Variants in CHD1L observed in about 807,000 individuals in gnomAD.
CHD1L encodes the protein chromodomain helicase DNA binding protein 1 like, also known as ATP-dependent chromatin remodeler CHD1L.
A neutral mutation model predicts 115.9 loss-of-function variants in CHD1L; 118 were observed. The observed-to-expected ratio is 1.02, with a 90% CI of 0.88 to 1.19. The LOEUF is 1.19. Ranked by LOEUF, CHD1L falls within the 50% of genes most tolerant of loss-of-function variation. The pLI is 0.00. For synonymous variants in CHD1L, 411 were observed against 387.1 expected, an observed-to-expected ratio of 1.06 and a Z score of -0.72; for missense variants, 1,179 against 1,065.3, an observed-to-expected ratio of 1.11 and a Z score of -1.49.
chr1:147,289,696 C>G (rs1194323161), intron 19 of CHD1L, among the ~76,000 whole-genome samples: 5 of 152,164 alleles, frequency 3.3e-5, no homozygotes, highest in African/African-American at 1.2e-4. Context: ...AGAGAAATGG[C>G]AAGAGGATCC....
chr1:147,255,031 T>G (rs1460546746), intron 3 of CHD1L, 55 bp downstream of exon 3: 8 of 1,315,792 alleles, frequency 6.1e-6, no homozygotes, highest in Non-Finnish European at 7.3e-6. Context: ...AGATTTTTTT[T>G]CTGGATGATG....
chr1:147,249,923 T>C (rs1311903411), intron 1 of CHD1L, among the ~76,000 whole-genome samples: 4 of 152,276 alleles, frequency 2.6e-5, no homozygotes, highest in African/African-American at 7.2e-5. Flanking sequence ...TCTCTTCTGA[T>C]TGTAATCTCT....
At chr1:147,243,538 C>T (rs1023070522) in intron 1 of CHD1L, among the ~76,000 whole-genome samples, 1 of 152,122 alleles carries the variant, frequency 6.6e-6, no homozygotes, top group African/African-American at 2.4e-5. Flanking sequence ...CCAGCCCTGC[C>T]GCTGCATGGC....
At chr1:147,251,510 T>G (rs926193658) in intron 1 of CHD1L, among the ~76,000 whole-genome samples, 2 of 152,172 alleles carry the variant, frequency 1.3e-5, no homozygotes, top group African/African-American at 4.8e-5. Flanking sequence ...TTAAATGAGA[T>G]ACTGTAATTT....
intron 1 of CHD1L, among the ~76,000 whole-genome samples, chr1:147,243,544 A>T (rs1455627671): frequency 6.6e-6 from 1 of 152,092 alleles, no homozygotes; most frequent in African/African-American, 2.4e-5. Flanking sequence ...CTGCCGCTGC[A>T]TGGCTGACCG....
At chr1:147,228,051 C>T in the CHD1L span, among the ~76,000 whole-genome samples, 1 of 150,718 alleles carries the variant, frequency 6.6e-6, no homozygotes, top group Non-Finnish European at 1.5e-5. Flanking sequence ...GGTACATGTG[C>T]ACAACGTGCA....
intron 9 of CHD1L, 65 bp from the exon 10 acceptor site, chr1:147,268,717 G>A (rs1674936295): frequency 7.6e-7 from 1 of 1,320,960 alleles, no homozygotes; most frequent in African/African-American, 1.5e-5. Flanking sequence ...TCTTCCTGTA[G>A]CCTAGCTACT....
At position 147,254,866 on chromosome 1, in the gene CHD1L, C is replaced by G. The variant is rs1669573108; in HGVS notation, c.241-4C>G. The G allele has an allele frequency of 1.3e-6, 2 of 1,585,670 alleles. No homozygotes were observed. Among genetic ancestry groups the G allele is most frequent in the Non-Finnish European group, 1.7e-6 (2 of 1,168,272 alleles). The stretch of plus-strand genomic sequence containing the variant: ...AAAACTGCCTTTCTTTTTCTGTGTT[C>G]CAGACTATTGCTCTCTTCATTTATT... On this transcript the variant is annotated splice_polypyrimidine_tract_variant and splice_region_variant and intron_variant, in intron 2 of 22. Coordinates refer to ENST00000369258, the MANE Select transcript of CHD1L (RefSeq NM_004284.6).
intron 7 of CHD1L, among the ~76,000 whole-genome samples, 171 bp from the exon 8 acceptor site, chr1:147,265,761 A>G (rs1268368180): frequency 6.6e-6 from 1 of 152,228 alleles, no homozygotes; most frequent in Non-Finnish European, 1.5e-5. Context: ...ATTCCAGAAA[A>G]AAGATGATCC....
At chr1:147,269,541 C>T (rs975177215) in intron 10 of CHD1L, among the ~76,000 whole-genome samples, 3 of 151,810 alleles carry the variant, frequency 2.0e-5, no homozygotes, top group Non-Finnish European at 2.9e-5. Flanking sequence ...TGGTGGCAGG[C>T]GCCTGTAGTC....
At chr1:147,224,845 C>A in the CHD1L span, 1 of 1,566,852 alleles carries the variant, frequency 6.4e-7, no homozygotes, top group South Asian at 1.1e-5. Context: ...TCGTATGCAC[C>A]TAGTTGCAGG....
chr1:147,281,963 A>G (rs1681061549), intron 15 of CHD1L, among the ~76,000 whole-genome samples: 1 of 152,038 alleles, frequency 6.6e-6, no homozygotes, highest in African/African-American at 2.4e-5. Context: ...CTTAACGTCC[A>G]CTCTCCTAGT....
At chr1:147,214,931 A>T in the CHD1L span, 1 of 152,142 alleles carries the variant, frequency 6.6e-6, no homozygotes, top group African/African-American at 2.4e-5. Context: ...AATGTAAATG[A>T]CTTACTTTAG....
chr1:147,184,586 A>C, the CHD1L span: 1 of 1,548,578 alleles, frequency 6.5e-7, no homozygotes, highest in Non-Finnish European at 8.7e-7. This position sits in a 1 kb window ranked among gnomAD's most constrained non-coding sequence, Gnocchi z 4.4. Flanking sequence ...TATTTGTAGA[A>C]TATTCTTCAA....
chr1:147,291,276 A>G (rs1163026970), intron 19 of CHD1L, among the ~76,000 whole-genome samples: 2 of 152,170 alleles, frequency 1.3e-5, no homozygotes, highest in Non-Finnish European at 2.9e-5. Flanking sequence ...TTTGAGGAGC[A>G]TTAAATTAGG....
At chr1:147,287,136 C>T (rs1173761373) in intron 18 of CHD1L, among the ~76,000 whole-genome samples, 1 of 152,178 alleles carries the variant, frequency 6.6e-6, no homozygotes, top group Admixed American at 6.5e-5. Flanking sequence ...GACTGTGGTG[C>T]CTAGAACGAT....
chr1:147,251,963 A>G (rs1553936673), intron 1 of CHD1L, among the ~76,000 whole-genome samples: 1 of 152,190 alleles, frequency 6.6e-6, no homozygotes, highest in African/African-American at 2.4e-5. Context: ...TGTTTTTGCT[A>G]ATAGTTCTTA....
At chr1:147,185,364 AG>A in the CHD1L span, among the ~76,000 whole-genome samples, 4 of 152,196 alleles carry the variant, frequency 2.6e-5, no homozygotes, top group Non-Finnish European at 5.9e-5. Context: ...AGAAATTAAA[AG>A]GAAGCAAGAG....
At chr1:147,193,188 C>A in the CHD1L span, among the ~76,000 whole-genome samples, 2 of 152,060 alleles carry the variant, frequency 1.3e-5, no homozygotes, top group African/African-American at 4.8e-5. Flanking sequence ...AATTTCAGAG[C>A]CTGTTATTGG....
Sources: gnomAD v4.1 joint callset for allele counts (sites outside exome capture counted in the v4.1 genomes callset) on GRCh38, gnomAD v4.1.1 for gene constraint, Gnocchi (gnomAD v3.1) non-coding constraint, MANE v1.5 for transcripts, NCBI Gene and HGNC (gene_info 2026-07-23, HGNC 2026-07-21) for gene names.